The following KLRG1 variants were observed in gnomAD, a reference collection of about 807,000 sequenced individuals.
The protein encoded by KLRG1 is killer cell lectin-like receptor subfamily G member 1.
A neutral mutation model predicts 21.8 loss-of-function variants in KLRG1; 16 were observed. The ratio of observed to expected loss-of-function variants is 0.73; its 90% confidence interval spans 0.50 to 1.11. The LOEUF is 1.11. KLRG1 is among the 50% of genes most tolerant of loss of function. The pLI is 0.00. For missense variants in KLRG1, 173 were observed against 218.3 expected (o/e 0.79, Z 1.31); for synonymous variants, 69 against 75.9 (o/e 0.91, Z 0.47).
At chr12:9,120,852 C>CATGTGTGTGTGTGTGTGTGTGTGT in the KLRG1 span, among the ~76,000 whole-genome samples, 28 of 143,408 alleles carry the variant, frequency 2.0e-4, no homozygotes, top group African/African-American at 5.1e-4. Flanking sequence ...ATCCCACTAA[C>CATGTGTGTGTGTGTGTGTGTGTGT]GTGTGTGTGT....
intron 1 of KLRG1, among the ~76,000 whole-genome samples, chr12:8,958,035 C>T (rs1048735369): frequency 4.6e-5 from 7 of 152,032 alleles, no homozygotes; most frequent in Non-Finnish European, 8.8e-5. Flanking sequence ...TCTAAGAAGC[C>T]TTATAGTTTT....
the KLRG1 span, chr12:9,165,110 C>T: frequency 1.2e-6 from 2 of 1,602,204 alleles, no homozygotes; most frequent in Non-Finnish European, 1.7e-6. Flanking sequence ...GTTCTACCCA[C>T]CTTTCCTGTT....
chr12:9,169,331 G>A, the KLRG1 span: 1 of 1,178,698 alleles, frequency 8.5e-7, no homozygotes. Flanking sequence ...AAATGGAGAG[G>A]CAAGGCTACA....
the KLRG1 span, among the ~76,000 whole-genome samples, chr12:9,209,336 A>G: frequency 6.6e-6 from 1 of 152,114 alleles, no homozygotes; most frequent in Non-Finnish European, 1.5e-5. Flanking sequence ...CACTGCTGAA[A>G]GTGGATTCCT....
At chr12:9,102,157 G>T in the KLRG1 span, among the ~76,000 whole-genome samples, 1 of 152,200 alleles carries the variant, frequency 6.6e-6, no homozygotes, top group Non-Finnish European at 1.5e-5. Context: ...ATTGGTTTAA[G>T]AGCTGAGCTG....
At chr12:9,181,064 A>T in the KLRG1 span, 1 of 1,614,156 alleles carries the variant, frequency 6.2e-7, no homozygotes. Context: ...GGGACTGCGG[A>T]GCAGCTGCTA....
At chr12:8,966,682 A>G (rs12813566) in intron 1 of KLRG1, among the ~76,000 whole-genome samples, 46,370 of 141,708 alleles carry the variant, frequency 0.33, 7,308 homozygotes, top group Middle Eastern at 0.44. Context: ...AAGTCAGGAA[A>G]CAACAGGTGC....
At chr12:9,069,648 T>C in the KLRG1 span, 10 of 813,202 alleles carry the variant, frequency 1.2e-5, no homozygotes, top group Non-Finnish European at 2.0e-5. Flanking sequence ...ATTTCTAGCA[T>C]GGAAGTGATG....
At chr12:9,181,158 C>A in the KLRG1 span, 1 of 1,613,744 alleles carries the variant, frequency 6.2e-7, no homozygotes, top group Non-Finnish European at 8.5e-7. Context: ...GAAACGTCAA[C>A]CAGTGTTTTC....
the KLRG1 span, chr12:9,094,870 C>T: frequency 3.6e-6 from 2 of 550,406 alleles, no homozygotes; most frequent in Non-Finnish European, 5.9e-6. Context: ...GTATGACTCA[C>T]ATGTCCTTTT....
the KLRG1 span, among the ~76,000 whole-genome samples, chr12:9,049,163 G>A: frequency 6.6e-6 from 1 of 152,192 alleles, no homozygotes; most frequent in Non-Finnish European, 1.5e-5. Flanking sequence ...CTCTGAGTAA[G>A]TATCAGGGCT....
the KLRG1 span, chr12:9,076,996 G>A: frequency 6.9e-7 from 1 of 1,458,264 alleles, no homozygotes; most frequent in Non-Finnish European, 9.1e-7. Context: ...AGCATTCCCA[G>A]GCAAATACAC....
At chr12:9,065,892 A>T in the KLRG1 span, 1 of 152,230 alleles carries the variant, frequency 6.6e-6, no homozygotes, top group Non-Finnish European at 1.5e-5. Context: ...GAAACTACCC[A>T]TTCCAGAACC....
At chr12:9,038,464 T>C in the KLRG1 span, among the ~76,000 whole-genome samples, 1 of 152,206 alleles carries the variant, frequency 6.6e-6, no homozygotes, top group Non-Finnish European at 1.5e-5. Context: ...TAGGATACTT[T>C]CCCTTACTTA....
At chr12:9,099,248 C>A in the KLRG1 span, 1 of 800,818 alleles carries the variant, frequency 1.2e-6, no homozygotes. Flanking sequence ...GTGACTCTGC[C>A]ACTACCTTGC....
the KLRG1 span, among the ~76,000 whole-genome samples, chr12:9,174,365 A>C: frequency 5.1e-4 from 78 of 152,304 alleles, no homozygotes; most frequent in Admixed American, 1.2e-3. Context: ...AGCCAATATC[A>C]TACTGAATGG....
chr12:9,164,755 A>G, the KLRG1 span, among the ~76,000 whole-genome samples: 1 of 152,242 alleles, frequency 6.6e-6, no homozygotes, highest in African/African-American at 2.4e-5. Context: ...GATAAGTGCT[A>G]TAAGATAAAT....
At chr12:9,025,648 A>C in the KLRG1 span, among the ~76,000 whole-genome samples, 2 of 152,292 alleles carry the variant, frequency 1.3e-5, no homozygotes, top group African/African-American at 2.4e-5. Context: ...AAAAAAACCC[A>C]AAAAATATGC....
the KLRG1 span, among the ~76,000 whole-genome samples, chr12:9,124,306 T>C: frequency 2.6e-5 from 4 of 152,076 alleles, no homozygotes; most frequent in African/African-American, 9.7e-5. Flanking sequence ...CCCTTCTGAG[T>C]TGGGGCCAGA....
Sources: gnomAD v4.1 joint callset for allele counts (sites outside exome capture counted in the v4.1 genomes callset) on GRCh38, gnomAD v4.1.1 for gene constraint, MANE v1.5 for transcripts, NCBI Gene and HGNC (gene_info 2026-07-23, HGNC 2026-07-21) for gene names.